Variants in PLBD1 observed in about 807,000 individuals in gnomAD.
PLBD1 encodes the protein phospholipase B domain containing 1.
PLBD1 carries 60 observed loss-of-function variants against 63.0 expected under a neutral mutation model. That is an observed-to-expected ratio of 0.95 (90% CI 0.77 to 1.18). The LOEUF is 1.18. Among genes scored for constraint, PLBD1 ranks in the 50% most tolerant of loss-of-function variants. The pLI is 0.00. For missense variants in PLBD1, 598 were observed against 677.9 expected (o/e 0.88, Z 1.31); for synonymous variants, 262 against 248.0 (o/e 1.06, Z -0.53).
At chr12:14,541,048 G>T in intron 3 of PLBD1, 146 bp from the exon 4 acceptor site, 1 of 829,458 alleles carries the variant, frequency 1.2e-6, no homozygotes, top group Non-Finnish European at 1.8e-6. Context: ...GTCACTCAAA[G>T]GACTTCAGGG....
At chr12:14,536,029 C>A in intron 5 of PLBD1, 1 of 472,030 alleles carries the variant, frequency 2.1e-6, no homozygotes, top group Non-Finnish European at 3.7e-6. Flanking sequence ...GGCATGGTGG[C>A]TTACGCTCGA....
intron 6 of PLBD1, among the ~76,000 whole-genome samples, chr12:14,513,925 G>A (rs930894070): frequency 8.6e-5 from 13 of 151,864 alleles, no homozygotes; most frequent in Non-Finnish European, 1.3e-4. Context: ...GACTACAGGC[G>A]CCCGCCACCA....
chr12:14,564,863 T>C (rs1004489993), intron 1 of PLBD1, among the ~76,000 whole-genome samples: 2 of 152,204 alleles, frequency 1.3e-5, no homozygotes, highest in Admixed American at 6.5e-5. Context: ...ACTCCAATCA[T>C]AGGTCTGCCA....
At chr12:14,543,284 G>T (rs1464509703) in intron 2 of PLBD1, among the ~76,000 whole-genome samples, 1 of 151,852 alleles carries the variant, frequency 6.6e-6, no homozygotes, top group African/African-American at 2.4e-5. Context: ...TTCTTATAAA[G>T]TCTAAATGAG....
chr12:14,532,399 G>A (rs765022988), intron 6 of PLBD1, among the ~76,000 whole-genome samples: 1 of 152,168 alleles, frequency 6.6e-6, no homozygotes, highest in Non-Finnish European at 1.5e-5. Context: ...CTCATAGGTC[G>A]AAGTTCGCTT....
chr12:14,566,897 C>T (rs1945791153), intron 1 of PLBD1, among the ~76,000 whole-genome samples: 1 of 151,858 alleles, frequency 6.6e-6, no homozygotes. Context: ...GCGTTCGAGA[C>T]CAGCCTGTCC....
chr12:14,522,691 C>T (rs147644668), intron 6 of PLBD1, among the ~76,000 whole-genome samples: 1,947 of 152,150 alleles, frequency 0.013, 19 homozygotes, highest in Non-Finnish European at 0.02. Context: ...TCCAGGGATG[C>T]AAGGATGGTT....
At position 14,506,181 on chromosome 12, in the gene PLBD1, C is replaced by G. The variant is rs762570332; in HGVS notation, c.1460G>C (p.Gly487Ala). ...TGTTACCTTTGTGTCATAACAACCT[C>G]CAGGACTTGGGTTAGGTGAGTTCAG... Reference protein sequence around the residue: ...EDLNSPNPSPGGCYDTKVADI... With the variant: ...EDLNSPNPSPAGCYDTKVADI... Residue 487 changes from glycine to alanine, a missense_variant, in exon 10 of 11, where the codon GGA becomes GCA. Gly to Ala is a moderately conservative substitution (Grantham distance 60). Transcript: ENST00000240617. 5.6e-6 allele frequency: 9 copies of G among 1,609,976 alleles called. No homozygotes were observed. Among genetic ancestry groups the G allele is most frequent in the South Asian group, 1.1e-5 (1 of 90,636 alleles).
At chr12:14,545,640 A>G (rs1945611218) in intron 2 of PLBD1, among the ~76,000 whole-genome samples, 1 of 152,208 alleles carries the variant, frequency 6.6e-6, no homozygotes. Context: ...GGATTCCAAG[A>G]ATGGGAATTT....
intron 6 of PLBD1, among the ~76,000 whole-genome samples, chr12:14,514,851 G>A (rs1416600625): frequency 6.6e-6 from 1 of 151,948 alleles, no homozygotes; most frequent in East Asian, 1.9e-4. Context: ...GGGATTACAG[G>A]TATGAGCCAC....
At chr12:14,542,609 C>G (rs1227867519) in intron 2 of PLBD1, among the ~76,000 whole-genome samples, 1 of 152,308 alleles carries the variant, frequency 6.6e-6, no homozygotes, top group South Asian at 2.1e-4. Context: ...CTTCCTGATG[C>G]TAATTGTTTT....
chr12:14,536,044 C>T, intron 5 of PLBD1: 1 of 426,960 alleles, frequency 2.3e-6, no homozygotes, highest in South Asian at 3.2e-5. Context: ...GCTCGAAATC[C>T]TAGCACTTTG....
At chr12:14,509,537 C>G (rs186436557) in intron 8 of PLBD1, among the ~76,000 whole-genome samples, 87 of 152,314 alleles carry the variant, frequency 5.7e-4, no homozygotes, top group Non-Finnish European at 9.7e-4. Context: ...AGCATATGAA[C>G]TGCTTGGCAA....
chr12:14,514,268 G>C (rs896128797), intron 6 of PLBD1, among the ~76,000 whole-genome samples: 3 of 152,288 alleles, frequency 2.0e-5, no homozygotes, highest in East Asian at 1.9e-4. Context: ...GTGTAAAATG[G>C]ATTGCATTCG....
At chr12:14,552,982 C>T (rs1022215313) in intron 2 of PLBD1, among the ~76,000 whole-genome samples, 3 of 152,146 alleles carry the variant, frequency 2.0e-5, no homozygotes, top group Non-Finnish European at 4.4e-5. Context: ...GAGCTATGAT[C>T]GCCACTGCAC....
At chr12:14,513,981 A>G (rs866118115) in intron 6 of PLBD1, among the ~76,000 whole-genome samples, 1 of 151,960 alleles carries the variant, frequency 6.6e-6, no homozygotes, top group Non-Finnish European at 1.5e-5. Context: ...GGGTTTCGCC[A>G]TGTTAGCCAG....
chr12:14,549,828 A>G (rs1185756098), intron 2 of PLBD1, among the ~76,000 whole-genome samples: 4 of 151,956 alleles, frequency 2.6e-5, no homozygotes, highest in East Asian at 3.9e-4. Context: ...CCACCATGCC[A>G]GTCTAATTTT....
intron 5 of PLBD1, 35 bp downstream of exon 5, chr12:14,536,535 A>G: frequency 6.2e-7 from 1 of 1,609,774 alleles, no homozygotes; most frequent in Non-Finnish European, 8.5e-7. Flanking sequence ...GTCTGTATGA[A>G]CCAGAACAAG....
chr12:14,560,650 G>A (rs912856671), intron 1 of PLBD1, among the ~76,000 whole-genome samples: 1 of 152,108 alleles, frequency 6.6e-6, no homozygotes, highest in Non-Finnish European at 1.5e-5. Context: ...AGTCACTAAC[G>A]AAATAACTGA....
Sources: allele counts gnomAD v4.1 joint callset (sites outside exome capture counted in the v4.1 genomes callset), GRCh38; gene constraint gnomAD v4.1.1; transcripts MANE v1.5; gene names NCBI Gene and HGNC (gene_info 2026-07-23, HGNC 2026-07-21).